The following S100A8 variants were observed in gnomAD, a reference collection of about 807,000 sequenced individuals.
S100A8 encodes the protein protein S100-A8.
Under a neutral mutation model 4.2 loss-of-function variants are expected in S100A8, and 1 was observed. The ratio of observed to expected loss-of-function variants is 0.24; its 90% CI spans 0.08 to 1.12. The LOEUF (loss-of-function observed/expected upper bound fraction) is 1.12, where lower values mean the gene tolerates loss of function less well. S100A8 is among the 50% of genes most tolerant of loss of function. S100A8 has a pLI of 0.53. For missense variants in S100A8, 96 were observed against 111.8 expected (o/e 0.86, Z 0.64); for synonymous variants, 41 against 44.7 (o/e 0.92, Z 0.33).
chr1:153,419,154 G>T, the S100A8 span: 2 of 1,613,746 alleles, frequency 1.2e-6, no homozygotes, highest in Non-Finnish European at 8.5e-7. Context: ...GGACAAAAAG[G>T]GCATACATTA....
chr1:153,403,565 C>T, the S100A8 span, among the ~76,000 whole-genome samples: 1 of 152,050 alleles, frequency 6.6e-6, no homozygotes, highest in Admixed American at 6.6e-5. Context: ...GTCACATTAA[C>T]CCCCTCCCCA....
At chr1:153,391,999 C>A (rs921079686), upstream of S100A8, among the ~76,000 whole-genome samples, 5 of 152,162 alleles carry the variant, frequency 3.3e-5, no homozygotes, top group Non-Finnish European at 5.9e-5. Flanking sequence ...ATCCTCTCCC[C>A]ACCACTAACA....
At chr1:153,407,221 A>G in the S100A8 span, among the ~76,000 whole-genome samples, 64 of 152,364 alleles carry the variant, frequency 4.2e-4, no homozygotes, top group African/African-American at 1.5e-3. Flanking sequence ...TTCATAGCCA[A>G]GGGAAGCCGT....
the S100A8 span, among the ~76,000 whole-genome samples, chr1:153,396,426 T>C: frequency 6.6e-6 from 1 of 152,262 alleles, no homozygotes; most frequent in African/African-American, 2.4e-5. Context: ...TGCTTTATTC[T>C]CTCTCACATT....
the S100A8 span, among the ~76,000 whole-genome samples, chr1:153,401,499 C>T: frequency 1.3e-5 from 2 of 152,206 alleles, no homozygotes; most frequent in African/African-American, 4.8e-5. Flanking sequence ...AACCCAACCA[C>T]CCATGGCCAG....
chr1:153,413,663 G>A, the S100A8 span, among the ~76,000 whole-genome samples: 1 of 152,186 alleles, frequency 6.6e-6, no homozygotes, highest in Non-Finnish European at 1.5e-5. Flanking sequence ...CACTTTGGGA[G>A]GCCGAGATGA....
At chr1:153,409,977 G>A in the S100A8 span, among the ~76,000 whole-genome samples, 1 of 152,198 alleles carries the variant, frequency 6.6e-6, no homozygotes, top group Non-Finnish European at 1.5e-5. Flanking sequence ...CACATTCAAA[G>A]CAGTCTGTAG....
the S100A8 span, among the ~76,000 whole-genome samples, chr1:153,411,739 A>C: frequency 6.6e-6 from 1 of 152,238 alleles, no homozygotes; most frequent in African/African-American, 2.4e-5. Flanking sequence ...CTATACTACA[A>C]GGCTACAGTA....
the S100A8 span, among the ~76,000 whole-genome samples, chr1:153,415,479 T>C: frequency 1.3e-5 from 2 of 152,144 alleles, no homozygotes; most frequent in African/African-American, 2.4e-5. Flanking sequence ...CATCATCTCC[T>C]TTTCCTCACC....
the S100A8 span, among the ~76,000 whole-genome samples, chr1:153,413,065 A>C: frequency 2.6e-5 from 4 of 152,208 alleles, no homozygotes; most frequent in Non-Finnish European, 5.9e-5. Flanking sequence ...GCACACCAAC[A>C]TGGCACATGT....
At chr1:153,418,818 G>T in the S100A8 span, among the ~76,000 whole-genome samples, 1 of 152,198 alleles carries the variant, frequency 6.6e-6, no homozygotes, top group African/African-American at 2.4e-5. Context: ...GTAGAACTAA[G>T]GTAGGCAGTG....
At chr1:153,413,694 A>C in the S100A8 span, among the ~76,000 whole-genome samples, 2 of 152,176 alleles carry the variant, frequency 1.3e-5, no homozygotes, top group African/African-American at 4.8e-5. Context: ...TGAGGTCAGG[A>C]GTTCGAGACC....
the S100A8 span, among the ~76,000 whole-genome samples, chr1:153,409,543 C>T: frequency 6.6e-6 from 1 of 152,084 alleles, no homozygotes; most frequent in African/African-American, 2.4e-5. Context: ...ACTTTAATAC[C>T]CCACTGTCAA....
chr1:153,418,109 C>T, the S100A8 span: 1 of 1,614,126 alleles, frequency 6.2e-7, no homozygotes, highest in Non-Finnish European at 8.5e-7. Flanking sequence ...CTGAGAGGTC[C>T]ATAATAGGCA....
the S100A8 span, among the ~76,000 whole-genome samples, chr1:153,406,052 C>T: frequency 2.0e-5 from 3 of 152,100 alleles, no homozygotes; most frequent in African/African-American, 7.2e-5. Context: ...GCTCCCTCTG[C>T]CCTGTCCCTC....
At chr1:153,420,428 C>T in the S100A8 span, 1 of 152,248 alleles carries the variant, frequency 6.6e-6, no homozygotes, top group Non-Finnish European at 1.5e-5. Context: ...ACTCTTACTA[C>T]TCTGGTCAGT....
At chr1:153,400,418 C>T in the S100A8 span, among the ~76,000 whole-genome samples, 1 of 152,078 alleles carries the variant, frequency 6.6e-6, no homozygotes, top group Non-Finnish European at 1.5e-5. Flanking sequence ...CCGGCCCCTT[C>T]TACTTGGCCC....
the S100A8 span, among the ~76,000 whole-genome samples, chr1:153,402,657 T>G: frequency 6.6e-6 from 1 of 152,298 alleles, no homozygotes; most frequent in Non-Finnish European, 1.5e-5. Context: ...GCCATGTTCA[T>G]AGCAGCTTTA....
At chr1:153,414,848 G>A in the S100A8 span, among the ~76,000 whole-genome samples, 150 of 152,286 alleles carry the variant, frequency 9.8e-4, 1 homozygote, top group African/African-American at 3.4e-3. Context: ...GGTGAAGTCC[G>A]GGCTTTTAAT....
Sources: gnomAD v4.1 joint callset for allele counts (sites outside exome capture counted in the v4.1 genomes callset) on GRCh38, gnomAD v4.1.1 for gene constraint, MANE v1.5 for transcripts, NCBI Gene and HGNC (gene_info 2026-07-23, HGNC 2026-07-21) for gene names.